The following NBEAL1 variants were observed in gnomAD, a reference collection of about 807,000 sequenced individuals.
The protein encoded by NBEAL1 is neurobeachin like 1.
A neutral mutation model predicts 351.3 loss-of-function variants in NBEAL1; 273 were observed. The ratio of observed to expected loss-of-function variants is 0.78; its 90% confidence interval spans 0.70 to 0.86. NBEAL1 has a LOEUF of 0.86. Ranked by LOEUF, NBEAL1 falls within the 40% of genes least tolerant of loss-of-function variation. The pLI is 0.00. For synonymous variants in NBEAL1, 1,050 were observed against 1,086.4 expected, an observed-to-expected ratio of 0.97 and a Z score of 0.66; for missense variants, 2,961 against 3,201.3, an observed-to-expected ratio of 0.92 and a Z score of 1.81.
At chr2:203,207,193 G>A (rs1231326297) in intron 51 of NBEAL1, among the ~76,000 whole-genome samples, 5 of 149,862 alleles carry the variant, frequency 3.3e-5, no homozygotes, top group Admixed American at 6.6e-5. Flanking sequence ...CAGCCGCCCC[G>A]TCTGAGAAGT....
chr2:203,125,326 T>A (rs1394002656), intron 19 of NBEAL1, 26 bp from the exon 20 acceptor site: 1 of 1,432,598 alleles, frequency 7.0e-7, no homozygotes, highest in African/African-American at 1.5e-5. Flanking sequence ...TTTTATAAGA[T>A]TTAAACATTA....
At position 203,172,023 on chromosome 2, in the gene NBEAL1, G is replaced by A; in HGVS notation, c.6198G>A (p.Val2066=). The change falls in exon 40 of 56, where the codon GTG becomes GTA. Residue 2066 remains valine (V), a splice_region_variant and synonymous_variant. Transcript: ENST00000683969. ...ATAATGACCTTGCACAGTATCCTGT[G>A]GTAAGTTTTGCATAAACCTTATAAA... ...RTYNDLAQYP[V]FPWILQDYTS... is the part of the protein sequence containing the mutation. The A allele has an allele frequency of 6.4e-7, 1 of 1,570,226 alleles. No individual in the cohort carries two copies. The highest frequency in any genetic ancestry group is 8.6e-7 in the Non-Finnish European group (1 of 1,158,900).
rs534721193 is a variant in NBEAL1, at chr2:203,082,672, A to G, written c.685-547A>G. On this transcript the variant is annotated intron_variant, in intron 8 of 55. Transcript: ENST00000683969. ...TCTGTAACCAACCTGAAAACCTTAG[A>G]GAGACTTAATCGATTTGAGGTTGTT... Among the ~76,000 whole-genome samples, 393 of 152,320 alleles carry G rather than the reference A, an allele frequency of 2.6e-3. 3 individuals are homozygous for G. Among genetic ancestry groups the G allele is most frequent in the African/African-American group, 8.1e-3 (338 of 41,586 alleles).
At chr2:203,025,154 T>A (rs2106002323) in intron 2 of NBEAL1, among the ~76,000 whole-genome samples, 1 of 152,352 alleles carries the variant, frequency 6.6e-6, no homozygotes, top group Admixed American at 6.5e-5. Context: ...AGAATCCATC[T>A]GTAAATCCAG....
chr2:203,156,108 G>C (rs2063791583), intron 35 of NBEAL1, among the ~76,000 whole-genome samples: 4 of 152,020 alleles, frequency 2.6e-5, no homozygotes. Flanking sequence ...TACTTCTCTT[G>C]TATCTGGTAT....
intron 48 of NBEAL1, 43 bp downstream of exon 48, chr2:203,197,434 C>A: frequency 1.6e-6 from 2 of 1,227,308 alleles, no homozygotes; most frequent in South Asian, 2.5e-5. Flanking sequence ...TGCCTATATT[C>A]ATTACAACTT....
rs1476500404 is a variant in NBEAL1, at chr2:203,138,444, G to A, written c.4719+129G>A. The A allele has an allele frequency of 2.3e-5, 24 of 1,050,338 alleles. No individual in the cohort carries two copies. The East Asian group carries it at 5.9e-4, about 26-fold the overall frequency. 65.1% of individuals were successfully genotyped at this position (1,050,338 alleles called of 1,614,324 possible). A position where few individuals can be genotyped will look rare whatever the true frequency, so the allele number is the denominator to read the frequency against. The stretch of plus-strand genomic sequence containing the variant: ...TCAATAAACAAGGATAAGATGTGAT[G>A]AATAGTCACAGATTTTTGTTAGCTA... On this transcript the variant is annotated intron_variant, in intron 30 of 55. Transcript: ENST00000683969.
chr2:203,191,436 TC>T, intron 46 of NBEAL1: 1 of 461,064 alleles, frequency 2.2e-6, no homozygotes, highest in South Asian at 3.4e-5. Flanking sequence ...ATCATTATCT[TC>T]CTGATGACAC....
intron 53 of NBEAL1, among the ~76,000 whole-genome samples, chr2:203,209,717 G>GTA (rs1318893894): frequency 3.1e-4 from 46 of 150,656 alleles, no homozygotes; most frequent in African/African-American, 1.1e-3. Context: ...ATTAATATGT[G>GTA]TGTGTGTGTG....
chr2:203,113,217 G>A lies in NBEAL1; in HGVS notation c.2405G>A (p.Ser802Asn). The change falls in exon 17 of 56, where the codon AGT becomes AAT. Residue 802 changes from serine to asparagine, a missense_variant. Ser to Asn is a conservative substitution (Grantham distance 46, BLOSUM62 1). Transcript: ENST00000683969. ...TKLISAGTQD[S>N]EWGCPTSLEG... ...TTGATATCAGCTGGAACCCAAGACA[G>A]TGAATGGGGGTGTCCCACATCTCTG... 2.6e-6 allele frequency: 4 copies of A among 1,543,072 alleles called. No homozygotes were observed. Among genetic ancestry groups the A allele is most frequent in the Non-Finnish European group, 3.5e-6 (4 of 1,142,856 alleles).
intron 10 of NBEAL1, among the ~76,000 whole-genome samples, chr2:203,089,946 T>A (rs1257150640): frequency 2.0e-5 from 3 of 152,216 alleles, no homozygotes; most frequent in African/African-American, 7.2e-5. Flanking sequence ...TTAGAAATAT[T>A]TTCCTTTGCC....
In NBEAL1 at chr2:203,138,607, T is replaced by C. The variant is rs1186733112; in HGVS notation, c.4720-13T>C. Reference sequence around the variant, plus strand: ...GAATGTTTTTATTTCTCAATTTTTTTCCTTTGTGATAGCTTTTAGAGGATA... The same window carrying C: ...GAATGTTTTTATTTCTCAATTTTTTCCCTTTGTGATAGCTTTTAGAGGATA... On this transcript the variant is annotated splice_polypyrimidine_tract_variant and intron_variant, in intron 30 of 55. Coordinates refer to ENST00000683969, the MANE Select transcript of NBEAL1 (RefSeq NM_001378026.1). 1.3e-6 allele frequency: 2 copies of C among 1,569,792 alleles called. No homozygotes were observed. Among genetic ancestry groups the C allele is most frequent in the Non-Finnish European group, 1.7e-6 (2 of 1,166,744 alleles).
At chr2:203,134,549 G>A (rs1243716511) in intron 27 of NBEAL1, among the ~76,000 whole-genome samples, 1 of 152,164 alleles carries the variant, frequency 6.6e-6, no homozygotes, top group Non-Finnish European at 1.5e-5. Context: ...AAAATTGTCA[G>A]AGCTAAAACT....
intron 18 of NBEAL1, among the ~76,000 whole-genome samples, chr2:203,116,667 G>A (rs918907624): frequency 6.6e-6 from 1 of 151,282 alleles, no homozygotes; most frequent in African/African-American, 2.4e-5. Context: ...GCATGCGCCT[G>A]TAGTCCCAGC....
In NBEAL1 at chr2:203,158,955, G is replaced by A. The variant is rs2063873273; in HGVS notation, c.5714+1130G>A. 2.0e-5 allele frequency among the ~76,000 whole-genome samples: 3 copies of A among 151,632 alleles called. 1 individual carries two copies. In the South Asian group the frequency reaches 6.3e-4, roughly 32 times the overall value. Reference sequence around the variant, plus strand: ...CTGCCGCAGCCTCCTGAGTAGCTGGGACTATAGGCACACCACCATGTCTAG... The same window carrying A: ...CTGCCGCAGCCTCCTGAGTAGCTGGAACTATAGGCACACCACCATGTCTAG... On this transcript the variant is annotated intron_variant, in intron 36 of 55. Transcript: ENST00000683969.
chr2:203,067,731 G>T (rs1297920151), intron 6 of NBEAL1, among the ~76,000 whole-genome samples: 1 of 152,084 alleles, frequency 6.6e-6, no homozygotes, highest in Non-Finnish European at 1.5e-5. Flanking sequence ...CCATCTACTA[G>T]TTGGAAGTAT....
At chr2:203,032,379 T>G (rs557970963) in intron 2 of NBEAL1, among the ~76,000 whole-genome samples, 6 of 152,200 alleles carry the variant, frequency 3.9e-5, no homozygotes, top group African/African-American at 1.4e-4. Flanking sequence ...TAAGAACAGC[T>G]GGGCACGGTG....
intron 46 of NBEAL1, among the ~76,000 whole-genome samples, chr2:203,192,318 G>A (rs898917616): frequency 1.3e-5 from 2 of 151,586 alleles, no homozygotes; most frequent in African/African-American, 4.8e-5. Flanking sequence ...AGTTTTTATT[G>A]TGATGAAAAT....
At chr2:203,214,777 A>C (rs961585794) in intron 55 of NBEAL1, among the ~76,000 whole-genome samples, 1 of 152,236 alleles carries the variant, frequency 6.6e-6, no homozygotes, top group African/African-American at 2.4e-5. Flanking sequence ...TCTGTACTAC[A>C]GTTTAGAATA....
Sources: gnomAD v4.1 joint callset for allele counts (sites outside exome capture counted in the v4.1 genomes callset) on GRCh38, gnomAD v4.1.1 for gene constraint, MANE v1.5 for transcripts, NCBI Gene and HGNC (gene_info 2026-07-23, HGNC 2026-07-21) for gene names.